Variants in TEX9 observed in about 807,000 individuals in gnomAD.
The protein encoded by TEX9 is testis expressed 9.
TEX9 carries 74 observed loss-of-function variants against 59.6 expected under a neutral mutation model. That is an observed-to-expected ratio of 1.24 (90% CI 1.03 to 1.51). The LOEUF (loss-of-function observed/expected upper bound fraction) is 1.51, where lower values mean the gene tolerates loss of function less well. Among genes scored for constraint, TEX9 ranks in the 40% most tolerant of loss-of-function variants. TEX9 has a pLI of 0.00. For synonymous variants in TEX9, 186 were observed against 152.2 expected (o/e 1.22, Z -1.64); for missense variants, 522 against 447.8 (o/e 1.17, Z -1.49).
chr15:56,429,090 T>C (rs1278252711), intron 12 of TEX9: 2 of 1,553,304 alleles, frequency 1.3e-6, no homozygotes, highest in Non-Finnish European at 1.8e-6. Flanking sequence ...CTTTACCCAA[T>C]TTTGATGATA....
In TEX9 at chr15:56,443,559, A is replaced by G. The variant is rs780994340; in HGVS notation, c.*30-2112A>G. The stretch of plus-strand genomic sequence containing the variant: ...TCAACTATTAAATTTTTTAAAAAAC[A>G]TAAATATTTATAGGATCCAAATTCT... On this transcript the variant is annotated intron_variant, in intron 12 of 12. Coordinates refer to ENST00000352903, the Ensembl canonical transcript of TEX9. 10 of 1,572,320 alleles carry G rather than the reference A, an allele frequency of 6.4e-6. No individual in the cohort carries two copies. The Admixed American group carries it at 9.8e-5, about 15-fold the overall frequency.
intron 1 of TEX9, among the ~76,000 whole-genome samples, chr15:56,316,745 C>G (rs1443313478): frequency 2.6e-5 from 4 of 152,210 alleles, no homozygotes; most frequent in South Asian, 2.1e-4. Context: ...GCCCCTCCCC[C>G]AGCCTCGCTG....
chr15:56,446,993 G>T, downstream of TEX9: 2 of 1,305,782 alleles, frequency 1.5e-6, no homozygotes, highest in Non-Finnish European at 1.1e-6. Context: ...ATAAGAGAAT[G>T]AAAACCTCAC....
chr15:56,244,575 TCCCCA>T (rs1275058856), intron 1 of TEX9, among the ~76,000 whole-genome samples: 1 of 122,368 alleles, frequency 8.2e-6, no homozygotes, highest in Non-Finnish European at 1.7e-5. Flanking sequence ...CCCCTCCACC[TCCCCA>T]CCCCACCCCA....
intron 1 of TEX9, among the ~76,000 whole-genome samples, chr15:56,335,669 C>T (rs1479455864): frequency 2.6e-5 from 4 of 151,924 alleles, no homozygotes; most frequent in South Asian, 4.1e-4. Flanking sequence ...TTTGGTAACA[C>T]GAAGTACAAA....
intron 1 of TEX9, among the ~76,000 whole-genome samples, chr15:56,279,131 A>G (rs2044754088): frequency 6.6e-6 from 1 of 152,176 alleles, no homozygotes; most frequent in Non-Finnish European, 1.5e-5. Context: ...GCATGCATGT[A>G]CTTGCCAGTG....
intron 10 of TEX9, among the ~76,000 whole-genome samples, chr15:56,417,034 T>G (rs1215253002): frequency 1.3e-5 from 2 of 151,884 alleles, no homozygotes; most frequent in Admixed American, 1.3e-4. Context: ...TTTTTATTTC[T>G]GTGGGGTCAG....
At chr15:56,392,642 AATT>A (rs1392901473) in intron 7 of TEX9, among the ~76,000 whole-genome samples, 1 of 129,796 alleles carries the variant, frequency 7.7e-6, no homozygotes, top group African/African-American at 2.5e-5. Flanking sequence ...TATGTATAAT[AATT>A]ATTGTGTTAC....
chr15:56,390,824 T>C (rs2048173573), intron 6 of TEX9, among the ~76,000 whole-genome samples: 1 of 152,036 alleles, frequency 6.6e-6, no homozygotes. Flanking sequence ...TTGTACAGTT[T>C]TTCTCTAGAA....
At chr15:56,288,830 CT>C (rs34555360) in intron 1 of TEX9, among the ~76,000 whole-genome samples, 63,269 of 151,918 alleles carry the variant, frequency 0.42, 15,216 homozygotes, top group Non-Finnish European at 0.55. Flanking sequence ...GCTCTCTACA[CT>C]TTTGTCTCTC....
chr15:56,378,991 A>C (rs1001115375), intron 3 of TEX9, among the ~76,000 whole-genome samples: 3 of 151,594 alleles, frequency 2.0e-5, no homozygotes, highest in African/African-American at 7.3e-5. Flanking sequence ...TGAGCCCAGG[A>C]AGGTCTAGGC....
intron 12 of TEX9, among the ~76,000 whole-genome samples, chr15:56,436,167 C>A (rs1411500089): frequency 1.3e-5 from 2 of 152,108 alleles, no homozygotes; most frequent in African/African-American, 4.8e-5. Flanking sequence ...TTCTCAGCAC[C>A]ACACCGCACT....
rs780944378 is a variant in TEX9, at chr15:56,304,502, AT to A, written c.-107+60225del. Among the ~76,000 whole-genome samples the A allele has an allele frequency of 2.0e-5, 3 of 152,246 alleles. 1 individual carries two copies. The highest frequency in any genetic ancestry group is 6.5e-5 in the Admixed American group (1 of 15,296). On this transcript the variant is annotated intron_variant, in intron 1 of 5. Transcript: ENST00000560827. ...TTTCAGCATCTATTAAAATGATTAT[AT>A]GGTTTTTGTCCTTCATTCTGTTGAT... is the stretch of plus-strand genomic sequence containing the variant.
intron 1 of TEX9, among the ~76,000 whole-genome samples, chr15:56,311,595 A>C (rs1287321104): frequency 1.4e-5 from 2 of 146,614 alleles, no homozygotes; most frequent in African/African-American, 5.1e-5. Flanking sequence ...ATAATGCCGC[A>C]ATAAACATAC....
intron 1 of TEX9, among the ~76,000 whole-genome samples, chr15:56,276,059 A>G (rs779543422): frequency 1.3e-4 from 19 of 151,732 alleles, no homozygotes; most frequent in Non-Finnish European, 1.8e-4. Context: ...CTGTTTTTAC[A>G]ATTTTCTCTT....
At chr15:56,411,886 A>G (rs1396824183) in intron 9 of TEX9, among the ~76,000 whole-genome samples, 2 of 152,176 alleles carry the variant, frequency 1.3e-5, no homozygotes, top group Non-Finnish European at 2.9e-5. Context: ...ATATTCTGAA[A>G]AGATTTACTT....
In TEX9 at chr15:56,285,339, G is replaced by A. The variant is rs144105316; in HGVS notation, c.-107+41061G>A. 1.8e-4 allele frequency among the ~76,000 whole-genome samples: 27 copies of A among 152,258 alleles called. No homozygotes were observed. In the East Asian group the frequency reaches 3.7e-3, roughly 21 times the overall value. ...CCTGGTGTTGCGGGAAACAGAGGTC[G>A]TAGATAATTTGAGATAATCTCTACA... On this transcript the variant is annotated intron_variant, in intron 1 of 5. Coordinates refer to the TEX9 transcript ENST00000560827.
At chr15:56,269,416 G>T (rs1026319134) in intron 1 of TEX9, among the ~76,000 whole-genome samples, 6 of 151,888 alleles carry the variant, frequency 4.0e-5, no homozygotes, top group Admixed American at 6.6e-5. Context: ...GTGATGTTAG[G>T]GTGTCGATTT....
intron 1 of TEX9, among the ~76,000 whole-genome samples, chr15:56,263,801 T>G (rs1340520358): frequency 1.3e-5 from 2 of 152,250 alleles, no homozygotes; most frequent in Non-Finnish European, 2.9e-5. Flanking sequence ...TGGAACGATA[T>G]AATATGAAGC....
Sources: gnomAD v4.1 joint callset for allele counts (sites outside exome capture counted in the v4.1 genomes callset) on GRCh38, gnomAD v4.1.1 for gene constraint, MANE v1.5 for transcripts, NCBI Gene and HGNC (gene_info 2026-07-23, HGNC 2026-07-21) for gene names.